Variants in CLDN2 observed in about 807,000 individuals in gnomAD.
The protein encoded by CLDN2 is claudin-2.
In CLDN2, 1 loss-of-function variant was observed where a neutral mutation model predicts 8.2. The ratio of observed to expected loss-of-function variants is 0.12; its 90% CI spans 0.04 to 0.58. The LOEUF (loss-of-function observed/expected upper bound fraction) is 0.58, where lower values mean the gene tolerates loss of function less well. Among genes scored for constraint, CLDN2 ranks in the 20% least tolerant of loss-of-function variants. The pLI is 0.90. For synonymous variants in CLDN2, 70 were observed against 70.2 expected (o/e 1.00, Z 0.01); for missense variants, 108 against 172.9 (o/e 0.62, Z 2.11).
chrX:106,913,861 C>A (rs149490017), upstream of CLDN2, among the ~76,000 whole-genome samples: 73 of 110,102 alleles, frequency 6.6e-4, no homozygotes, highest in East Asian at 0.013. Flanking sequence ...CTCCTTCTTA[C>A]GCAGCTCTCT....
In CLDN2 at chrX:106,928,637, G is replaced by A. The variant is rs1933503017; in HGVS notation, c.409G>A (p.Ala137Thr). 2 of 1,209,762 alleles carry A rather than the reference G, an allele frequency of 1.7e-6. No homozygotes were observed. The highest frequency in any genetic ancestry group is 3.5e-5 in the African/African-American group (2 of 57,093). Residue 137 changes from alanine (A) to threonine (T), a missense_variant, in exon 2 of 2, where the codon GCC becomes ACC. Ala to Thr is a moderately conservative substitution (Grantham distance 58). Coordinates refer to ENST00000336803, the MANE Select transcript of CLDN2 (RefSeq NM_020384.4). ...LGGLLGFIPV[A>T]WNLHGILRDF... ...AGGCCTCCTGGGATTCATTCCTGTT[G>A]CCTGGAATCTTCATGGGATCCTACG...
intron 1 of CLDN2, among the ~76,000 whole-genome samples, chrX:106,904,784 G>A (rs144849369): frequency 8.9e-4 from 100 of 112,191 alleles, no homozygotes; most frequent in African/African-American, 3.1e-3. Flanking sequence ...GTAGAAGAAT[G>A]AGGGAAAAGT....
intron 1 of CLDN2, among the ~76,000 whole-genome samples, chrX:106,922,251 C>T (rs146345460): frequency 8.9e-6 from 1 of 112,498 alleles, no homozygotes; most frequent in African/African-American, 3.2e-5. Flanking sequence ...CTGAACCCCC[C>T]CTCCATGGGG....
rs750454244 is a variant in CLDN2 at position 106,901,522 on chromosome X, G to A, written c.-179+1018G>A. On this transcript the variant is annotated intron_variant, in intron 1 of 1. Coordinates refer to the CLDN2 transcript ENST00000541806. Reference sequence around the variant, plus strand: ...TTCAGCCTTGGTGACCTCAGCAGCCGTTGCCCCACCAGCAGCCTGTCCAAA... The same window carrying A: ...TTCAGCCTTGGTGACCTCAGCAGCCATTGCCCCACCAGCAGCCTGTCCAAA... The A allele has an allele frequency of 1.6e-5, 19 of 1,209,615 alleles. No individual in the cohort carries two copies. Among genetic ancestry groups the A allele is most frequent in the South Asian group, 3.5e-5 (2 of 56,740 alleles).
intron 1 of CLDN2, among the ~76,000 whole-genome samples, chrX:106,905,537 G>A (rs1395070201): frequency 1.8e-5 from 2 of 111,655 alleles, no homozygotes; most frequent in African/African-American, 6.5e-5. Flanking sequence ...CTGCATCACT[G>A]GCTGAAAGGA....
chrX:106,909,921 G>A (rs1933226619), intron 1 of CLDN2, among the ~76,000 whole-genome samples: 1 of 111,206 alleles, frequency 9.0e-6, no homozygotes, highest in Non-Finnish European at 1.9e-5. Context: ...TCCTCATTTG[G>A]ACTGCAGAAG....
chrX:106,927,015 C>A (rs1227717718), intron 1 of CLDN2, among the ~76,000 whole-genome samples: 1 of 110,400 alleles, frequency 9.1e-6, no homozygotes, highest in African/African-American at 3.3e-5. Context: ...CCCAGGAGGT[C>A]GAGGCTGCAA....
rs1157729882 is a variant in CLDN2, at chrX:106,930,444, C to T, written c.*1523C>T. 8.1e-6 allele frequency: 1 copy of T among 122,815 alleles called. No homozygotes were observed. Among genetic ancestry groups the T allele is most frequent in the Non-Finnish European group, 1.9e-5 (1 of 53,129 alleles). The allele number at this position is 122,815 out of a possible 1,213,427, so 10.1% of individuals were successfully genotyped here. A position where few individuals can be genotyped will look rare whatever the true frequency, so the allele number is the denominator to read the frequency against. On this transcript the variant is annotated 3_prime_UTR_variant, in exon 2 of 2. Coordinates refer to ENST00000336803, the MANE Select transcript of CLDN2 (RefSeq NM_020384.4). ...TCTGAAAAATTCCAGCACACCTCCT[C>T]GAACCTCATTGTCAGCAGAGAGGGC...
chrX:106,915,927 G>T (rs190450455), upstream of CLDN2, among the ~76,000 whole-genome samples: 13 of 110,632 alleles, frequency 1.2e-4, no homozygotes, highest in Admixed American at 1.3e-3. Flanking sequence ...ATTCAATGGT[G>T]CACCTACTAT....
In CLDN2 at chrX:106,929,064, A is replaced by G; in HGVS notation, c.*143A>G. On this transcript the variant is annotated 3_prime_UTR_variant, in exon 2 of 2. Coordinates refer to ENST00000336803, the MANE Select transcript of CLDN2 (RefSeq NM_020384.4). ...TAGACTGACTTTGGCCATTGGATTG[A>G]GCAAAGGCAGAAATGGGGGCTAGTG... is the stretch of plus-strand genomic sequence containing the variant. 2 of 504,056 alleles carry G rather than the reference A, an allele frequency of 4.0e-6. No individual in the cohort carries two copies. Among genetic ancestry groups the G allele is most frequent in the Admixed American group, 7.8e-5 (2 of 25,521 alleles). The allele number at this position is 504,056 out of a possible 1,213,427, so 41.5% of individuals were successfully genotyped here.
chrX:106,911,429 C>A (rs1272699528), intron 1 of CLDN2, among the ~76,000 whole-genome samples: 2 of 111,246 alleles, frequency 1.8e-5, no homozygotes, highest in African/African-American at 6.6e-5. Flanking sequence ...CCCTGCTCTC[C>A]CCCTTACTTC....
Position 106,929,669 on chromosome X carries a change from T to TGAGGAAAGCAC in CLDN2, c.*749_*759dup, listed in dbSNP as rs1284505266. On this transcript the variant is annotated 3_prime_UTR_variant, in exon 2 of 2. Coordinates refer to ENST00000336803, the MANE Select transcript of CLDN2 (RefSeq NM_020384.4). Reference sequence around the variant, plus strand: ...GTGGGCTGGGATCAAGCCTGCAGCTTGAGGAAAGCACAAGGAAAGGAAAGA... The same window carrying TGAGGAAAGCAC: ...GTGGGCTGGGATCAAGCCTGCAGCTTGAGGAAAGCACGAGGAAAGCACAAGGAAAGGAAAGA... The TGAGGAAAGCAC allele has an allele frequency of 7.3e-5, 9 of 122,463 alleles. No individual in the cohort carries two copies. The highest frequency in any genetic ancestry group is 1.7e-4 in the Non-Finnish European group (9 of 53,006). The allele number at this position is 122,463 out of a possible 1,213,427, so 10.1% of individuals were successfully genotyped here.
intron 1 of CLDN2, chrX:106,900,854 A>C: frequency 5.8e-6 from 7 of 1,211,243 alleles, no homozygotes; most frequent in Non-Finnish European, 7.8e-6. Context: ...TCTGCAGTAA[A>C]ATCTCCCCAG....
chrX:106,921,458 G>A (rs191485493), intron 1 of CLDN2, among the ~76,000 whole-genome samples: 2 of 111,753 alleles, frequency 1.8e-5, no homozygotes, highest in East Asian at 5.7e-4. Flanking sequence ...CTTATGAGGG[G>A]CAGTGAGATC....
chrX:106,909,742 A>G (rs1268681508), intron 1 of CLDN2, among the ~76,000 whole-genome samples: 1 of 112,236 alleles, frequency 8.9e-6, no homozygotes, highest in Non-Finnish European at 1.9e-5. Context: ...GCCAACTCTT[A>G]TATGCAGTCC....
At chrX:106,902,947 C>A (rs1315942454) in intron 1 of CLDN2, among the ~76,000 whole-genome samples, 1 of 112,363 alleles carries the variant, frequency 8.9e-6, no homozygotes, top group African/African-American at 3.2e-5. Flanking sequence ...CCTCTTGCCA[C>A]CCAGCGGGAT....
chrX:106,913,306 G>A (rs1933269006), intron 1 of CLDN2, among the ~76,000 whole-genome samples: 1 of 111,708 alleles, frequency 9.0e-6, no homozygotes, highest in South Asian at 3.8e-4. Context: ...TATTGGCCAG[G>A]CTGGTTTTGA....
At position 106,928,941 on chromosome X, in the gene CLDN2, G is replaced by T. The variant is rs1013632794; in HGVS notation, c.*20G>T. On this transcript the variant is annotated 3_prime_UTR_variant, in exon 2 of 2. Coordinates refer to ENST00000336803, the MANE Select transcript of CLDN2 (RefSeq NM_020384.4). ...GTGTGAAGAACCAGGGGCCAGAGCT[G>T]GGGGGTGGCTGGGTCTGTGAAAAAC... 3.4e-6 allele frequency: 4 copies of T among 1,179,907 alleles called. No homozygotes were observed. The highest frequency in any genetic ancestry group is 4.6e-6 in the Non-Finnish European group (4 of 870,402).
At chrX:106,914,831 T>C (rs1010015835), upstream of CLDN2, among the ~76,000 whole-genome samples, 2 of 112,143 alleles carry the variant, frequency 1.8e-5, no homozygotes, top group East Asian at 5.6e-4. Flanking sequence ...TAATATCTTT[T>C]ATTTGTTTAT....
Sources: allele counts gnomAD v4.1 joint callset (sites outside exome capture counted in the v4.1 genomes callset), GRCh38; gene constraint gnomAD v4.1.1; transcripts MANE v1.5; gene names NCBI Gene and HGNC (gene_info 2026-07-23, HGNC 2026-07-21).